Variants in NOL10 observed in about 807,000 individuals in gnomAD.
The protein encoded by NOL10 is nucleolar protein 10.
A neutral mutation model predicts 103.5 loss-of-function variants in NOL10; 58 were observed. The ratio of observed to expected loss-of-function variants is 0.56; its 90% CI spans 0.45 to 0.70. The LOEUF (loss-of-function observed/expected upper bound fraction) is 0.70, where lower values mean the gene tolerates loss of function less well. Ranked by LOEUF, NOL10 falls within the 30% of genes least tolerant of loss-of-function variation. The pLI, the probability that NOL10 is intolerant of heterozygous loss-of-function variation, is 0.00. For missense variants in NOL10, 763 were observed against 807.3 expected (o/e 0.95, Z 0.67); for synonymous variants, 287 against 282.5 (o/e 1.02, Z -0.16).
intron 3 of NOL10, among the ~76,000 whole-genome samples, chr2:10,679,648 CAG>C (rs1444389626): frequency 6.6e-5 from 10 of 151,996 alleles, no homozygotes; most frequent in African/African-American, 2.2e-4. Context: ...TTCTTTGAGA[CAG>C]AGTCTCGCTC....
intron 13 of NOL10, among the ~76,000 whole-genome samples, chr2:10,640,636 A>T (rs546770990): frequency 1.3e-4 from 20 of 152,090 alleles, no homozygotes; most frequent in Non-Finnish European, 2.6e-4. Flanking sequence ...CACACTTCAT[A>T]CTTCATACTT....
intron 17 of NOL10, among the ~76,000 whole-genome samples, chr2:10,595,583 T>TTTTTG (rs754913232): frequency 2.3e-5 from 2 of 88,142 alleles, no homozygotes; most frequent in African/African-American, 3.4e-5. Flanking sequence ...CAGAAATGTT[T>TTTTTG]TTTTGTTTTG....
At chr2:10,687,304 T>G (rs2171771) in intron 1 of NOL10, among the ~76,000 whole-genome samples, 1 of 152,226 alleles carries the variant, frequency 6.6e-6, no homozygotes, top group East Asian at 1.9e-4. Flanking sequence ...TCGATGGTCA[T>G]TTTTCTGCCT....
chr2:10,671,774 G>A (rs1680959092), intron 5 of NOL10, 84 bp from the exon 6 acceptor site: 2 of 957,132 alleles, frequency 2.1e-6, no homozygotes, highest in African/African-American at 3.3e-5. Flanking sequence ...GGCAAACCAA[G>A]GAAAACCCTT....
intron 13 of NOL10, among the ~76,000 whole-genome samples, chr2:10,634,912 A>G (rs1284788779): frequency 6.6e-6 from 1 of 152,194 alleles, no homozygotes; most frequent in Non-Finnish European, 1.5e-5. Context: ...TGCATATGAG[A>G]TGTATGTTCA....
intron 12 of NOL10, among the ~76,000 whole-genome samples, chr2:10,653,731 C>G (rs1679637986): frequency 6.6e-6 from 1 of 152,234 alleles, no homozygotes; most frequent in East Asian, 1.9e-4. Context: ...CCTCAGCCCC[C>G]CAACTCCACC....
chr2:10,660,764 T>C (rs918575514), intron 9 of NOL10, among the ~76,000 whole-genome samples: 9 of 152,216 alleles, frequency 5.9e-5, no homozygotes, highest in African/African-American at 1.9e-4. Flanking sequence ...TTAGTTCTTA[T>C]AGATTTTCAG....
At chr2:10,664,073 C>T (rs1572403624) in intron 8 of NOL10, among the ~76,000 whole-genome samples, 2 of 150,718 alleles carry the variant, frequency 1.3e-5, no homozygotes, top group South Asian at 4.2e-4. Context: ...GCGAGCTGAG[C>T]GTGCCACTGC....
At chr2:10,671,485 A>G (rs1680934700) in intron 6 of NOL10, 69 bp downstream of exon 6, 2 of 1,291,826 alleles carry the variant, frequency 1.5e-6, no homozygotes, top group East Asian at 5.6e-5. Flanking sequence ...GAAAATGTAC[A>G]CGAAATTTAG....
chr2:10,651,201 G>C (rs1679430078), intron 12 of NOL10, among the ~76,000 whole-genome samples: 1 of 152,180 alleles, frequency 6.6e-6, no homozygotes, highest in African/African-American at 2.4e-5. Context: ...CATTTCAGCA[G>C]GTGTCTCTTT....
chr2:10,603,060 CTG>C lies in NOL10; in HGVS notation c.1233+16_1233+17del, dbSNP rs1179772097. 1 of 1,573,874 alleles carries C rather than the reference CTG, an allele frequency of 6.4e-7. No homozygotes were observed. The highest frequency in any genetic ancestry group is 1.1e-5 in the South Asian group (1 of 87,876). Reference sequence around the variant, plus strand: ...GCATTAGTTACCTGAAACATAATAACTGTAGTTTTCTGTTTACCTTGTGATAG... The same window carrying C: ...GCATTAGTTACCTGAAACATAATAACTAGTTTTCTGTTTACCTTGTGATAG... On this transcript the variant is annotated intron_variant, in intron 15 of 20. Transcript: ENST00000381685.
chr2:10,618,311 T>A (rs1434241286), intron 13 of NOL10, among the ~76,000 whole-genome samples: 2 of 152,154 alleles, frequency 1.3e-5, no homozygotes, highest in East Asian at 1.9e-4. Flanking sequence ...AGCCCCCACC[T>A]TCACTGACTT....
intron 2 of NOL10, among the ~76,000 whole-genome samples, chr2:10,683,186 T>G (rs917882050): frequency 2.5e-4 from 38 of 152,324 alleles, no homozygotes; most frequent in African/African-American, 8.7e-4. Context: ...ACCTTAGGTT[T>G]TTAAAGAGTA....
intron 20 of NOL10, 101 bp downstream of exon 20, chr2:10,577,535 G>GAAAA: frequency 1.2e-6 from 1 of 829,080 alleles, no homozygotes; most frequent in Middle Eastern, 2.3e-4. Context: ...CTCAATAGGG[G>GAAAA]AAAAGCATTG....
intron 1 of NOL10, among the ~76,000 whole-genome samples, chr2:10,685,570 C>A (rs143978104): frequency 5.4e-4 from 77 of 143,700 alleles, no homozygotes; most frequent in African/African-American, 2.0e-3. Context: ...AATTTAACGG[C>A]ATTAAAAATA....
intron 13 of NOL10, among the ~76,000 whole-genome samples, chr2:10,615,153 A>G (rs946269371): frequency 6.6e-6 from 1 of 152,250 alleles, no homozygotes; most frequent in Non-Finnish European, 1.5e-5. Context: ...TTGTGTGAGT[A>G]ATTATGAGTC....
intron 12 of NOL10, 135 bp downstream of exon 12, chr2:10,654,346 G>A (rs1679680212): frequency 1.6e-6 from 1 of 631,394 alleles, no homozygotes; most frequent in Non-Finnish European, 2.7e-6. Flanking sequence ...TGCTGACAAA[G>A]CCAAATTCTA....
intron 6 of NOL10, among the ~76,000 whole-genome samples, chr2:10,671,068 A>C (rs1680902014): frequency 6.6e-6 from 1 of 152,250 alleles, no homozygotes; most frequent in Non-Finnish European, 1.5e-5. Flanking sequence ...ATTTTTTTAA[A>C]CTAGAGTCCA....
intron 13 of NOL10, among the ~76,000 whole-genome samples, chr2:10,607,550 T>C (rs940256005): frequency 2.6e-5 from 4 of 152,184 alleles, no homozygotes; most frequent in African/African-American, 7.2e-5. Context: ...TACAAAAGTA[T>C]GAATGAATGT....
Sources: allele counts gnomAD v4.1 joint callset (sites outside exome capture counted in the v4.1 genomes callset), GRCh38; gene constraint gnomAD v4.1.1; transcripts MANE v1.5; gene names NCBI Gene and HGNC (gene_info 2026-07-23, HGNC 2026-07-21).